Variants in INCENP observed in about 807,000 individuals in gnomAD.
INCENP encodes the protein inner centromere protein, also known as binds and activates aurora-B and -C in vivo and in vitro.
Under a neutral mutation model 107.3 loss-of-function variants are expected in INCENP, and 43 were observed. That is an observed-to-expected ratio of 0.40 (90% CI 0.31 to 0.52). The LOEUF (loss-of-function observed/expected upper bound fraction) is 0.52, where lower values mean the gene tolerates loss of function less well. Ranked by LOEUF, INCENP falls within the 20% of genes least tolerant of loss-of-function variation. The pLI is 0.53. For synonymous variants in INCENP, 488 were observed against 494.4 expected (o/e 0.99, Z 0.17); for missense variants, 1,089 against 1,250.9 (o/e 0.87, Z 1.95).
chr11:62,130,662 A>G, intron 4 of INCENP, 72 bp downstream of exon 4: 2 of 1,362,368 alleles, frequency 1.5e-6, no homozygotes, highest in African/African-American at 1.4e-5. Flanking sequence ...CTGAGGGATC[A>G]TCTAGCAAGG....
rs1029522677 is a variant in INCENP, at chr11:62,145,706, C to T, written c.1914C>T (p.Arg638=). ...AGAAGATGGAGGAGGTGGAAGCACG[C>T]AGGAAGCAGGAAGAGGAGGCACGTA... ...AAKKMEEVEA[R]RKQEEEARRL... Residue 638 remains arginine, a synonymous_variant, in exon 14 of 19, where the codon CGC becomes CGT. Coordinates refer to ENST00000394818, the MANE Select transcript of INCENP (RefSeq NM_001040694.2). The T allele has an allele frequency of 3.2e-6, 5 of 1,559,254 alleles. No individual in the cohort carries two copies. In the African/African-American group the frequency reaches 5.4e-5, roughly 17 times the overall value.
chr11:62,125,195 C>T (rs11230916), intron 1 of INCENP, among the ~76,000 whole-genome samples: 34,928 of 152,120 alleles, frequency 0.23, 4,923 homozygotes, highest in South Asian at 0.4. Flanking sequence ...ACACTGATTC[C>T]TTCTTTTTCA....
intron 4 of INCENP, among the ~76,000 whole-genome samples, chr11:62,132,003 G>A (rs1018869015): frequency 1.3e-5 from 2 of 152,078 alleles, no homozygotes; most frequent in Non-Finnish European, 2.9e-5. Context: ...TGGCCAGGCT[G>A]GTTTCGAACT....
intron 7 of INCENP, among the ~76,000 whole-genome samples, chr11:62,139,339 G>A (rs1283166683): frequency 6.6e-6 from 1 of 152,104 alleles, no homozygotes; most frequent in Non-Finnish European, 1.5e-5. Flanking sequence ...GTGGGCTGGG[G>A]ATTGAACACC....
In INCENP at chr11:62,130,111, C is replaced by T; in HGVS notation, c.584C>T (p.Thr195Ile). 5 of 1,613,680 alleles carry T rather than the reference C, an allele frequency of 3.1e-6. No homozygotes were observed. The highest frequency in any genetic ancestry group is 4.2e-6 in the Non-Finnish European group (5 of 1,180,012). ...ATGTCCACCGAGCCTCTGCCCCGCA[C>T]TCTGTCCCCGACTCCAGCTTCAGCC... ...QLMSTEPLPR[T>I]LSPTPASATA... Residue 195 changes from threonine (T) to isoleucine (I), a missense_variant, in exon 4 of 19, where the codon ACT becomes ATT. Coordinates refer to ENST00000394818, the MANE Select transcript of INCENP (RefSeq NM_001040694.2).
chr11:62,129,278 T>G (rs964037929), intron 3 of INCENP, among the ~76,000 whole-genome samples: 3 of 152,270 alleles, frequency 2.0e-5, no homozygotes, highest in African/African-American at 7.2e-5. Context: ...CAGGAATGAT[T>G]GGGGCTGCAG....
At chr11:62,128,914 C>G in intron 3 of INCENP, 31 bp downstream of exon 3, 12 of 1,416,308 alleles carry the variant, frequency 8.5e-6, no homozygotes, top group Non-Finnish European at 1.2e-5. Context: ...GTGAGCTGAG[C>G]AGTGGGCTCT....
chr11:62,149,140 C>T (rs914732774), intron 17 of INCENP, among the ~76,000 whole-genome samples: 2 of 150,464 alleles, frequency 1.3e-5, no homozygotes, highest in African/African-American at 2.5e-5. Context: ...ACTTATGTAA[C>T]CCTTTTAACA....
rs375954088 is a variant in INCENP, at chr11:62,130,532, G to A, written c.1005G>A (p.Ala335=). The A allele has an allele frequency of 6.8e-6, 11 of 1,613,846 alleles. No individual in the cohort carries two copies. Among genetic ancestry groups the A allele is most frequent in the East Asian group, 4.5e-5 (2 of 44,890 alleles). ...VAKQESVVRR[A]SRRLAKKTAE... is the part of the protein sequence containing the mutation. Reference sequence around the variant, plus strand: ...AACAGGAAAGTGTTGTCCGCAGGGCGAGCAGAAGGCTTGCCAAGAAGACTG... The same window carrying A: ...AACAGGAAAGTGTTGTCCGCAGGGCAAGCAGAAGGCTTGCCAAGAAGACTG... Residue 335 remains alanine (A), a synonymous_variant, in exon 4 of 19, where the codon GCG becomes GCA. Transcript: ENST00000394818.
At position 62,152,056 on chromosome 11, in the gene INCENP, T is replaced by C; in HGVS notation, c.*80T>C. 1.8e-6 allele frequency: 2 copies of C among 1,093,344 alleles called. No homozygotes were observed. The highest frequency in any genetic ancestry group is 2.5e-5 in the East Asian group (1 of 39,712). 67.7% of individuals were successfully genotyped at this position (1,093,344 alleles called of 1,614,324 possible). ...GTCTGTCGGTCTCTGTCTTGGTCTG[T>C]TGCCCTCCTTCTTGGCATGCCATTG... On this transcript the variant is annotated 3_prime_UTR_variant, in exon 19 of 19. Coordinates refer to ENST00000394818, the MANE Select transcript of INCENP (RefSeq NM_001040694.2).
intron 1 of INCENP, among the ~76,000 whole-genome samples, chr11:62,126,608 C>T (rs938961720): frequency 2.6e-5 from 4 of 152,208 alleles, no homozygotes; most frequent in African/African-American, 7.2e-5. Flanking sequence ...TTCTTTCACT[C>T]ATTCACCTGT....
rs867025091 is a variant in INCENP at position 62,128,776 on chromosome 11, C to T, written c.147C>T (p.Phe49=). 2 of 1,611,956 alleles carry T rather than the reference C, an allele frequency of 1.2e-6. No individual in the cohort carries two copies. Among genetic ancestry groups the T allele is most frequent in the African/African-American group, 2.7e-5 (2 of 74,888 alleles). Residue 49 remains phenylalanine, a synonymous_variant, in exon 3 of 19, where the codon TTC becomes TTT. Transcript: ENST00000394818. The part of the protein sequence containing the change: ...EEAERMFTRE[F]SKEPELMPKT... ...CCCTCCTTGTGCCAAACAGAGAATT[C>T]AGCAAAGAGCCAGAGCTGATGCCCA...
chr11:62,128,380 T>C (rs1943804157), intron 2 of INCENP, 79 bp downstream of exon 2: 17 of 1,521,544 alleles, frequency 1.1e-5, no homozygotes, highest in Non-Finnish European at 1.4e-5. Context: ...CAACAGCCCC[T>C]CGTCCCCGCC....
chr11:62,143,556 C>T (rs1440963532), intron 11 of INCENP, among the ~76,000 whole-genome samples: 1 of 152,102 alleles, frequency 6.6e-6, no homozygotes, highest in East Asian at 1.9e-4. Context: ...TGCATTCTGT[C>T]CAGGTTTTGT....
intron 1 of INCENP, among the ~76,000 whole-genome samples, chr11:62,127,301 T>C (rs946323793): frequency 6.6e-6 from 1 of 152,222 alleles, no homozygotes; most frequent in African/African-American, 2.4e-5. Flanking sequence ...CCCAAAGTGC[T>C]GGGATTACGG....
At position 62,146,762 on chromosome 11, in the gene INCENP, G is replaced by A. The variant is rs1565101457; in HGVS notation, c.2064G>A (p.Arg688=). 2 of 1,542,580 alleles carry A rather than the reference G, an allele frequency of 1.3e-6. No homozygotes were observed. Among genetic ancestry groups the A allele is most frequent in the Non-Finnish European group, 1.8e-6 (2 of 1,142,174 alleles). The change falls in exon 15 of 19, where the codon CGG becomes CGA. Residue 688 remains arginine (R), a synonymous_variant. Transcript: ENST00000394818. The part of the protein sequence containing the change: ...AAEAKRLAEQ[R]EQERREQERR... ...AGGCTAAGCGGCTGGCAGAGCAGCG[G>A]GAGCAGGAGCGGCGGGAGCAGGAGC...
Position 62,148,838 on chromosome 11 carries a change from G to A in INCENP, c.2383G>A (p.Asp795Asn), listed in dbSNP as rs1944312915. 5.0e-6 allele frequency: 8 copies of A among 1,604,364 alleles called. No homozygotes were observed. The highest frequency in any genetic ancestry group is 1.1e-5 in the South Asian group (1 of 89,490). ...GASKALNVTV[D>N]VQSPACTSYQ... is the part of the protein sequence containing the mutation. ...CAGCAAGGCCCTGAATGTGACTGTGGACGTGCAGGTGCCACCTGGGCCCCA... is the reference window on the plus strand; with the variant it reads ...CAGCAAGGCCCTGAATGTGACTGTGAACGTGCAGGTGCCACCTGGGCCCCA... The change falls in exon 17 of 19, where the codon GAC becomes AAC. Residue 795 changes from aspartate (D) to asparagine (N), a missense_variant. By Grantham distance (23) the Asp-to-Asn change is conservative. Transcript: ENST00000394818.
intron 4 of INCENP, among the ~76,000 whole-genome samples, chr11:62,132,740 C>T (rs1418513909): frequency 6.6e-6 from 1 of 152,138 alleles, no homozygotes; most frequent in Non-Finnish European, 1.5e-5. Flanking sequence ...GAATGGGCTT[C>T]TGATTTGACT....
intron 14 of INCENP, 141 bp downstream of exon 14, chr11:62,145,892 A>T: frequency 1.9e-6 from 2 of 1,038,574 alleles, no homozygotes; most frequent in Non-Finnish European, 1.4e-6. Flanking sequence ...GAGGTTTCCC[A>T]GAAGTCTCCA....
Sources: allele counts gnomAD v4.1 joint callset (sites outside exome capture counted in the v4.1 genomes callset), GRCh38; gene constraint gnomAD v4.1.1; transcripts MANE v1.5; gene names NCBI Gene and HGNC (gene_info 2026-07-23, HGNC 2026-07-21).